The following FAM78A variants were observed in gnomAD, a reference collection of about 807,000 sequenced individuals.
FAM78A encodes family with sequence similarity 78 member A.
A neutral mutation model predicts 22.6 loss-of-function variants in FAM78A; 12 were observed. That is an observed-to-expected ratio of 0.53 (90% CI 0.34 to 0.86). The LOEUF (loss-of-function observed/expected upper bound fraction) is 0.86, where lower values mean the gene tolerates loss of function less well. FAM78A is among the 40% of genes least tolerant of loss of function. The probability of loss-of-function intolerance (pLI) is 0.02; values close to 1 mark genes in which losing one functional copy is unlikely to be tolerated. For synonymous variants in FAM78A, 151 were observed against 155.8 expected (o/e 0.97, Z 0.23); for missense variants, 322 against 396.1 (o/e 0.81, Z 1.59).
rs1835457509 is a variant in FAM78A, at chr9:131,274,446, G to A, written c.323+1411C>T. On this transcript the variant is annotated intron_variant, in intron 1 of 1. Coordinates refer to ENST00000372271, the MANE Select transcript of FAM78A (RefSeq NM_033387.4). This position sits in a 1 kb window ranked among gnomAD's most constrained non-coding sequence, Gnocchi z 4.2. ...TTTCCCTGCTTAGAACAGAAAGGCA[G>A]CACCCCCTCCCCCGAACTGGATTAC... Among the ~76,000 whole-genome samples, 1 of 152,202 alleles carries A rather than the reference G, an allele frequency of 6.6e-6. No individual in the cohort carries two copies. The highest frequency in any genetic ancestry group is 1.5e-5 in the Non-Finnish European group (1 of 68,040).
chr9:131,279,141 G>A (rs1835518717), upstream of FAM78A, among the ~76,000 whole-genome samples: 1 of 152,248 alleles, frequency 6.6e-6, no homozygotes, highest in African/African-American at 2.4e-5. Flanking sequence ...GCTAGTAGGT[G>A]GCTTATTCCT....
chr9:131,277,830 C>T (rs957427976), upstream of FAM78A, among the ~76,000 whole-genome samples: 8 of 151,322 alleles, frequency 5.3e-5, no homozygotes, highest in Non-Finnish European at 1.0e-4. The surrounding 1 kb of genome is among the most constrained non-coding windows in gnomAD (Gnocchi z 8.4). Context: ...TGTCGCCGCT[C>T]AGCCCCGCCG....
rs762913822 is a variant in FAM78A at position 131,259,039 on chromosome 9, C to A, written c.*1783G>T. The A allele has an allele frequency of 1.3e-5, 2 of 152,698 alleles. No individual in the cohort carries two copies. The highest frequency in any genetic ancestry group is 2.9e-5 in the Non-Finnish European group (2 of 68,064). The allele number at this position is 152,698 out of a possible 1,614,324, so 9.5% of individuals were successfully genotyped here. The stretch of plus-strand genomic sequence containing the variant: ...CGTGGACAAAGGAGCAGGGCAGGGA[C>A]TTTGGTTCCCACACCGTCCCACGCT... On this transcript the variant is annotated 3_prime_UTR_variant, in exon 2 of 2. Transcript: ENST00000372271.
At chr9:131,263,787 C>T (rs1835305268) in intron 1 of FAM78A, 2 of 152,606 alleles carry the variant, frequency 1.3e-5, no homozygotes, top group Admixed American at 1.3e-4. Context: ...CTGTTCATCT[C>T]ATTGAAAAGC....
rs1383605781 is a variant in FAM78A, at chr9:131,272,312, C to T, written c.323+3545G>A. Among the ~76,000 whole-genome samples the T allele has an allele frequency of 6.6e-6, 1 of 152,210 alleles. No individual in the cohort carries two copies. The highest frequency in any genetic ancestry group is 1.5e-5 in the Non-Finnish European group (1 of 68,036). Reference sequence around the variant, plus strand: ...GTCTGGGTCAAGTCCAGTGGTTCTCCACTAGGTGTGATTTCATAGCCCCTC... The same window carrying T: ...GTCTGGGTCAAGTCCAGTGGTTCTCTACTAGGTGTGATTTCATAGCCCCTC... On this transcript the variant is annotated intron_variant, in intron 1 of 1. Transcript: ENST00000372271. The surrounding 1 kb of genome is among the most constrained non-coding windows in gnomAD (Gnocchi z 4.1).
rs763469206 is a variant in FAM78A, at chr9:131,274,481, T to C, written c.323+1376A>G. 9.9e-5 allele frequency among the ~76,000 whole-genome samples: 15 copies of C among 152,212 alleles called. No individual in the cohort carries two copies. Among genetic ancestry groups the C allele is most frequent in the Non-Finnish European group, 1.8e-4 (12 of 68,042 alleles). On this transcript the variant is annotated intron_variant, in intron 1 of 1. Transcript: ENST00000372271. This position sits in a 1 kb window ranked among gnomAD's most constrained non-coding sequence, Gnocchi z 4.2. The stretch of plus-strand genomic sequence containing the variant: ...CCCCGAACTGGATTACTAGCTGCTC[T>C]TGAGACACAAAGGGGTTGGCACAGA...
intron 1 of FAM78A, among the ~76,000 whole-genome samples, chr9:131,268,400 C>T (rs1056767878): frequency 4.6e-5 from 7 of 152,026 alleles, no homozygotes; most frequent in Non-Finnish European, 5.9e-5. Flanking sequence ...CCAGTACCTG[C>T]TCACCAGCTG....
At chr9:131,277,253 T>A (rs1385197563), upstream of FAM78A, among the ~76,000 whole-genome samples, 1 of 151,828 alleles carries the variant, frequency 6.6e-6, no homozygotes, top group African/African-American at 2.4e-5. This position sits in a 1 kb window ranked among gnomAD's most constrained non-coding sequence, Gnocchi z 8.4. Context: ...GCACTTGCCC[T>A]GCTCTGTCCC....
rs111550579 is a variant in FAM78A at position 131,269,483 on chromosome 9, A to ATTT, written c.323+6371_323+6373dup. Among the ~76,000 whole-genome samples the ATTT allele has an allele frequency of 5.6e-3, 800 of 142,460 alleles. 13 individuals carry two copies. Among genetic ancestry groups the ATTT allele is most frequent in the African/African-American group, 0.019 (754 of 38,834 alleles). 93.5% of individuals were successfully genotyped at this position (142,460 alleles called of 152,430 possible). On this transcript the variant is annotated intron_variant, in intron 1 of 1. Coordinates refer to ENST00000372271, the MANE Select transcript of FAM78A (RefSeq NM_033387.4). Reference sequence around the variant, plus strand: ...CTGGAGTTAACATCCTCACGTGTGCATTTTTTTTTTTTTGAGACAGTCTAG... The same window carrying ATTT: ...CTGGAGTTAACATCCTCACGTGTGCATTTTTTTTTTTTTTTTGAGACAGTCTAG...
Position 131,276,082 on chromosome 9 carries a change from ACT to A in FAM78A, c.96_97del (p.Arg32SerfsTer10). 3 of 1,613,634 alleles carry A rather than the reference ACT, an allele frequency of 1.9e-6. No individual in the cohort carries two copies. The highest frequency in any genetic ancestry group is 2.5e-6 in the Non-Finnish European group (3 of 1,179,992). On this transcript the variant is annotated frameshift_variant, in exon 1 of 2. Transcript: ENST00000372271. LOFTEE classifies it high-confidence loss of function. This position sits in a 1 kb window ranked among gnomAD's most constrained non-coding sequence, Gnocchi z 4.3. ...AATCACCGTGATCCCTTCCCGGAAG[ACT>A]CTGGCTTTGCCTCCGATGCTCTGAA...
chr9:131,261,183 G>T lies in FAM78A; in HGVS notation c.491C>A (p.Pro164His). Reference sequence around the variant, plus strand: ...GACGGGCACGGCCCATGTGACGCTGGGGTAAAAGTTGTCATTCATGCTGAT... The same window carrying T: ...GACGGGCACGGCCCATGTGACGCTGTGGTAAAAGTTGTCATTCATGCTGAT... The part of the protein sequence containing the change: ...FIISMNDNFY[P>H]SVTWAVPVSE... Residue 164 changes from proline to histidine, a missense_variant, in exon 2 of 2, where the codon CCC becomes CAC. By Grantham distance (77) the Pro-to-His change is moderately conservative. Coordinates refer to ENST00000372271, the MANE Select transcript of FAM78A (RefSeq NM_033387.4). This position sits in a 1 kb window ranked among gnomAD's most constrained non-coding sequence, Gnocchi z 7.1. 6.2e-7 allele frequency: 1 copy of T among 1,614,100 alleles called. No individual in the cohort carries two copies. The highest frequency in any genetic ancestry group is 8.5e-7 in the Non-Finnish European group (1 of 1,180,022).
In FAM78A at chr9:131,267,910, G is replaced by T. The variant is rs528303018; in HGVS notation, c.324-6560C>A. Among the ~76,000 whole-genome samples, 5 of 152,224 alleles carry T rather than the reference G, an allele frequency of 3.3e-5. No individual in the cohort carries two copies. The East Asian group carries it at 9.7e-4, about 29-fold the overall frequency. ...AATATATTTTAAAAAAAATTAGCTG[G>T]GCGTGGTGGCAGGCACCTGTAGTCC... On this transcript the variant is annotated intron_variant, in intron 1 of 1. Transcript: ENST00000372271.
upstream of FAM78A, among the ~76,000 whole-genome samples, chr9:131,280,461 C>T (rs1304419286): frequency 1.3e-5 from 2 of 152,182 alleles, no homozygotes; most frequent in Non-Finnish European, 2.9e-5. Context: ...GAGTCATTGC[C>T]CAACAGCACA....
rs1835475115 is a variant in FAM78A at position 131,275,786 on chromosome 9, C to T, written c.323+71G>A. ...GGTATCTCCACCTTCCCCCTATCCG[C>T]GGCCCCCCACCAGGCCTCCAAGCTC... On this transcript the variant is annotated intron_variant, in intron 1 of 1. Transcript: ENST00000372271. The surrounding 1 kb of genome is among the most constrained non-coding windows in gnomAD (Gnocchi z 4.6). 3 of 1,465,616 alleles carry T rather than the reference C, an allele frequency of 2.0e-6. No individual in the cohort carries two copies. Among genetic ancestry groups the T allele is most frequent in the Non-Finnish European group, 2.7e-6 (3 of 1,091,180 alleles). The allele number at this position is 1,465,616 out of a possible 1,614,324, so 90.8% of individuals were successfully genotyped here.
intron 1 of FAM78A, among the ~76,000 whole-genome samples, chr9:131,273,243 G>A (rs1027888402): frequency 5.3e-5 from 8 of 152,220 alleles, no homozygotes; most frequent in East Asian, 1.9e-4. Context: ...CCTCATGGAC[G>A]GACACCAAAC....
chr9:131,264,380 C>A, intron 1 of FAM78A: 1 of 561,222 alleles, frequency 1.8e-6, no homozygotes. Flanking sequence ...GGGCCAGGGC[C>A]AAATCGTCAC....
chr9:131,262,682 C>T (rs4063127), intron 1 of FAM78A: 14,044 of 152,130 alleles, frequency 0.092, 2,017 homozygotes, highest in African/African-American at 0.3. Context: ...AAATGTGCTA[C>T]ATACGTACAA....
At chr9:131,266,019 G>A (rs545570090) in intron 1 of FAM78A, among the ~76,000 whole-genome samples, 3 of 152,242 alleles carry the variant, frequency 2.0e-5, no homozygotes, top group East Asian at 1.9e-4. Flanking sequence ...CATGTCTCAC[G>A]AAGCCCTGAC....
At chr9:131,273,266 G>A (rs1025292601) in intron 1 of FAM78A, among the ~76,000 whole-genome samples, 17 of 152,368 alleles carry the variant, frequency 1.1e-4, no homozygotes, top group African/African-American at 1.9e-4. Context: ...AACCCCGGGG[G>A]CTGCCTGGCC....
Sources: gnomAD v4.1 joint callset for allele counts (sites outside exome capture counted in the v4.1 genomes callset) on GRCh38, gnomAD v4.1.1 for gene constraint, Gnocchi (gnomAD v3.1) non-coding constraint, MANE v1.5 for transcripts, NCBI Gene and HGNC (gene_info 2026-07-23, HGNC 2026-07-21) for gene names.